Variants in SUGCT observed in about 807,000 individuals in gnomAD.
SUGCT encodes succinyl-CoA:glutarate CoA-transferase.
A neutral mutation model predicts 55.0 loss-of-function variants in SUGCT; 41 were observed. The observed-to-expected ratio is 0.74, with a 90% confidence interval of 0.58 to 0.97. The LOEUF is 0.97. SUGCT is among the 50% of genes least tolerant of loss of function. The pLI is 0.00. For missense variants in SUGCT, 568 were observed against 547.8 expected (o/e 1.04, Z -0.37); for synonymous variants, 187 against 200.4 (o/e 0.93, Z 0.56).
intron 8 of SUGCT, among the ~76,000 whole-genome samples, chr7:40,275,529 G>A (rs974024341): frequency 1.3e-5 from 2 of 152,182 alleles, no homozygotes; most frequent in South Asian, 4.1e-4. Context: ...AGCATAAGTG[G>A]TATTTCATGG....
the SUGCT span, among the ~76,000 whole-genome samples, chr7:40,893,663 A>T: frequency 6.6e-6 from 1 of 152,100 alleles, no homozygotes; most frequent in African/African-American, 2.4e-5. Flanking sequence ...CAGTAAAAAA[A>T]CCTGTTTTGA....
chr7:40,852,799 T>C (rs745717650), intron 13 of SUGCT, among the ~76,000 whole-genome samples: 5 of 152,062 alleles, frequency 3.3e-5, no homozygotes, highest in Non-Finnish European at 5.9e-5. Context: ...GTGATTGCAA[T>C]ATTATTCCAT....
In SUGCT at chr7:40,554,720, T is replaced by A. The variant is rs147387042; in HGVS notation, c.1089+58334T>A. On this transcript the variant is annotated intron_variant, in intron 12 of 13. Transcript: ENST00000335693. The stretch of plus-strand genomic sequence containing the variant: ...ATATTCTTAATTTATGTCATATATG[T>A]CAGTTTCTCATATATTTTCCTCCTA... 2.9e-3 allele frequency among the ~76,000 whole-genome samples: 436 copies of A among 152,330 alleles called. 4 individuals are homozygous for A. The highest frequency in any genetic ancestry group is 9.7e-3 in the African/African-American group (405 of 41,578).
chr7:40,898,655 C>G, the SUGCT span, among the ~76,000 whole-genome samples: 1 of 151,672 alleles, frequency 6.6e-6, no homozygotes, highest in African/African-American at 2.4e-5. Context: ...ACCGTGGAGG[C>G]GGACCTTGCA....
intron 9 of SUGCT, among the ~76,000 whole-genome samples, chr7:40,325,241 T>TA (rs111717024): frequency 6.6e-6 from 1 of 151,994 alleles, no homozygotes. Context: ...GATTTTTTTT[T>TA]AAAAAGTCAA....
chr7:40,195,133 C>A, intron 6 of SUGCT, 73 bp downstream of exon 6: 1 of 1,352,780 alleles, frequency 7.4e-7, no homozygotes, highest in Non-Finnish European at 9.6e-7. Context: ...TATAAGAAAC[C>A]TTTTGCTGGC....
At chr7:40,451,579 CA>C (rs1311380739) in intron 10 of SUGCT, among the ~76,000 whole-genome samples, 1 of 152,022 alleles carries the variant, frequency 6.6e-6, no homozygotes, top group Non-Finnish European at 1.5e-5. Context: ...TGTTATGAGC[CA>C]TTAATCCAAT....
At chr7:40,832,211 C>A (rs746086999) in intron 13 of SUGCT, among the ~76,000 whole-genome samples, 1 of 152,122 alleles carries the variant, frequency 6.6e-6, no homozygotes, top group African/African-American at 2.4e-5. Context: ...AGGCATCCAA[C>A]AGTTCTGGTT....
chr7:40,516,261 G>A (rs1450966343), intron 12 of SUGCT, among the ~76,000 whole-genome samples: 1 of 152,058 alleles, frequency 6.6e-6, no homozygotes, highest in African/African-American at 2.4e-5. Context: ...AAAATGTCTT[G>A]CAAATATTAT....
intron 1 of SUGCT, among the ~76,000 whole-genome samples, chr7:40,139,216 G>A (rs1281444532): frequency 6.6e-6 from 1 of 151,872 alleles, no homozygotes; most frequent in South Asian, 2.1e-4. Flanking sequence ...ATTTAATTTT[G>A]TGACAAAGTC....
the SUGCT span, among the ~76,000 whole-genome samples, chr7:40,974,706 A>C: frequency 6.6e-6 from 1 of 152,212 alleles, no homozygotes; most frequent in Non-Finnish European, 1.5e-5. Flanking sequence ...GACATGTTAC[A>C]TGTGCCCAAG....
chr7:40,648,777 G>T (rs1243655388), intron 12 of SUGCT, among the ~76,000 whole-genome samples: 2 of 152,150 alleles, frequency 1.3e-5, no homozygotes, highest in Non-Finnish European at 2.9e-5. Flanking sequence ...GCCAAGGATG[G>T]CCTGCAACTA....
At chr7:40,230,458 A>C (rs1219710363) in intron 6 of SUGCT, among the ~76,000 whole-genome samples, 1 of 152,248 alleles carries the variant, frequency 6.6e-6, no homozygotes, top group African/African-American at 2.4e-5. Context: ...TTAGAATTAC[A>C]AATTCGAAAG....
At chr7:40,483,429 T>C (rs951135460) in intron 11 of SUGCT, among the ~76,000 whole-genome samples, 8 of 152,212 alleles carry the variant, frequency 5.3e-5, no homozygotes, top group Non-Finnish European at 7.3e-5. Flanking sequence ...TACTGTGCAC[T>C]GTTCTGAATA....
chr7:40,565,923 C>G (rs754812938), intron 12 of SUGCT, among the ~76,000 whole-genome samples: 3 of 151,846 alleles, frequency 2.0e-5, no homozygotes, highest in Non-Finnish European at 4.4e-5. Flanking sequence ...TGATCACTCT[C>G]TTTCCTTGCT....
At chr7:40,278,333 G>C (rs1004387705) in intron 8 of SUGCT, among the ~76,000 whole-genome samples, 1 of 152,290 alleles carries the variant, frequency 6.6e-6, no homozygotes, top group South Asian at 2.1e-4. Flanking sequence ...TGGTGGGACT[G>C]TAAACTAGTT....
chr7:40,760,602 A>G (rs956703747), intron 13 of SUGCT, among the ~76,000 whole-genome samples: 2 of 152,208 alleles, frequency 1.3e-5, no homozygotes, highest in African/African-American at 4.8e-5. Flanking sequence ...ATTTCATGCT[A>G]TATACATTTT....
chr7:40,902,837 C>T, the SUGCT span, among the ~76,000 whole-genome samples: 1 of 151,920 alleles, frequency 6.6e-6, no homozygotes, highest in Non-Finnish European at 1.5e-5. Flanking sequence ...TCTGAAAAGG[C>T]AGAGAAACAG....
intron 12 of SUGCT, among the ~76,000 whole-genome samples, chr7:40,514,213 C>CTAA (rs1793109162): frequency 6.6e-6 from 1 of 151,856 alleles, no homozygotes; most frequent in South Asian, 2.1e-4. Context: ...TTGATGTTTC[C>CTAA]TTTAGGCTGG....
Sources: gnomAD v4.1 joint callset for allele counts (sites outside exome capture counted in the v4.1 genomes callset) on GRCh38, gnomAD v4.1.1 for gene constraint, MANE v1.5 for transcripts, NCBI Gene and HGNC (gene_info 2026-07-23, HGNC 2026-07-21) for gene names.